Variants in SPECC1 observed in about 807,000 individuals in gnomAD.
The protein encoded by SPECC1 is sperm antigen with calponin homology and coiled-coil domains 1.
A neutral mutation model predicts 104.1 loss-of-function variants in SPECC1; 62 were observed. The ratio of observed to expected loss-of-function variants is 0.60; its 90% CI spans 0.49 to 0.74. SPECC1 has a LOEUF of 0.74. Among genes scored for constraint, SPECC1 ranks in the 30% least tolerant of loss-of-function variants. SPECC1 has a pLI of 0.00. For synonymous variants in SPECC1, 513 were observed against 501.6 expected (o/e 1.02, Z -0.30); for missense variants, 1,306 against 1,310.5 (o/e 1.00, Z 0.05).
rs550647571 is a variant in SPECC1, at chr17:20,201,747, G to T, written c.284-2586G>T. On this transcript the variant is annotated intron_variant, in intron 3 of 14. Transcript: ENST00000395527. The stretch of plus-strand genomic sequence containing the variant: ...GAATAATTAAATAAGTCTTTTCCTC[G>T]TTGAGTGTGTAGTATGATGCAGGTT... Among the ~76,000 whole-genome samples the T allele has an allele frequency of 2.0e-3, 300 of 152,152 alleles. 1 individual carries two copies. Among genetic ancestry groups the T allele is most frequent in the Non-Finnish European group, 3.7e-3 (253 of 68,002 alleles).
In SPECC1 at chr17:20,251,224, C is replaced by CAAAAAAAAAAAAAAAAA. The variant is rs58071050; in HGVS notation, c.2599-2280_2599-2264dup. On this transcript the variant is annotated intron_variant, in intron 9 of 14. Transcript: ENST00000395527. ...TGGGCGACAGAGTAAGACTCTATCT[C>CAAAAAAAAAAAAAAAAA]AAAAAAAAAAAAAAAAAGCATATGG... is the stretch of plus-strand genomic sequence containing the variant. Among the ~76,000 whole-genome samples, 40 of 51,002 alleles carry CAAAAAAAAAAAAAAAAA rather than the reference C, an allele frequency of 7.8e-4. 2 individuals carry two copies. The East Asian group carries it at 0.011, about 14-fold the overall frequency. The allele number at this position is 51,002 out of a possible 152,430, so 33.5% of individuals were successfully genotyped here. A position where few individuals can be genotyped will look rare whatever the true frequency, so the allele number is the denominator to read the frequency against.
At chr17:20,243,477 A>C (rs573707792) in intron 7 of SPECC1, among the ~76,000 whole-genome samples, 4 of 152,300 alleles carry the variant, frequency 2.6e-5, no homozygotes, top group East Asian at 3.9e-4. Context: ...GTACATACTA[A>C]TAAGCCAATA....
rs2142301151 is a variant in SPECC1 at position 20,318,665 on chromosome 17, T to C, written c.*4600T>C. On this transcript the variant is annotated 3_prime_UTR_variant, in exon 15 of 15. Coordinates refer to ENST00000395527, the MANE Select transcript of SPECC1 (RefSeq NM_001243439.2). ...ACCCTTCCAAAGCTCGAGTGCCATT[T>C]TGAGATGACCTACCAATGACATGCA... The C allele has an allele frequency of 4.4e-6, 1 of 227,338 alleles. No individual in the cohort carries two copies. The highest frequency in any genetic ancestry group is 6.3e-5 in the East Asian group (1 of 15,922). The allele number at this position is 227,338 out of a possible 1,614,324, so 14.1% of individuals were successfully genotyped here.
intron 12 of SPECC1, 24 bp from the exon 13 acceptor site, chr17:20,296,937 T>C: frequency 6.2e-7 from 1 of 1,607,740 alleles, no homozygotes; most frequent in Non-Finnish European, 8.5e-7. Flanking sequence ...AGTTCTTGTT[T>C]ATTACTACTT....
chr17:20,288,065 C>G (rs1243923633), intron 12 of SPECC1, among the ~76,000 whole-genome samples: 1 of 150,144 alleles, frequency 6.7e-6, no homozygotes, highest in East Asian at 2.0e-4. Context: ...TTTTCTGTTT[C>G]TGTACTAGTT....
chr17:20,123,263 C>T (rs2049126676), intron 3 of SPECC1, among the ~76,000 whole-genome samples: 1 of 152,178 alleles, frequency 6.6e-6, no homozygotes, highest in Non-Finnish European at 1.5e-5. Flanking sequence ...AAAGACATGT[C>T]ACTATTTTAA....
At chr17:20,117,482 A>G (rs1382151438) in intron 3 of SPECC1, among the ~76,000 whole-genome samples, 1 of 152,020 alleles carries the variant, frequency 6.6e-6, no homozygotes, top group Non-Finnish European at 1.5e-5. Context: ...AGTTTATACA[A>G]ATCAATAAGA....
At chr17:20,278,583 A>T (rs952500839) in intron 12 of SPECC1, among the ~76,000 whole-genome samples, 2 of 152,162 alleles carry the variant, frequency 1.3e-5, no homozygotes, top group African/African-American at 4.8e-5. Flanking sequence ...TCACACCTGT[A>T]ATGTCAACAC....
At chr17:20,027,080 G>C (rs2044628856) in intron 1 of SPECC1, among the ~76,000 whole-genome samples, 1 of 151,934 alleles carries the variant, frequency 6.6e-6, no homozygotes, top group Admixed American at 6.6e-5. Context: ...TTTTATACTT[G>C]CAAGGCTCCC....
In SPECC1 at chr17:20,318,824, A is replaced by T. The variant is rs1363580809; in HGVS notation, c.*4759A>T. 12 of 189,596 alleles carry T rather than the reference A, an allele frequency of 6.3e-5. No individual in the cohort carries two copies. The highest frequency in any genetic ancestry group is 1.7e-4 in the East Asian group (2 of 11,688). The allele number at this position is 189,596 out of a possible 1,614,324, so 11.7% of individuals were successfully genotyped here. On this transcript the variant is annotated 3_prime_UTR_variant, in exon 15 of 15. Transcript: ENST00000395527. ...CTGTAGCATCCTGAATAGCACACTA[A>T]TTTTTTTTTTTAGCACACTAACTTT...
intron 12 of SPECC1, among the ~76,000 whole-genome samples, chr17:20,294,155 T>C (rs902682696): frequency 6.6e-6 from 1 of 152,208 alleles, no homozygotes; most frequent in Non-Finnish European, 1.5e-5. Context: ...CTCATTTTTG[T>C]ATTTTTAGTA....
At chr17:20,084,410 G>A (rs1048238147) in intron 1 of SPECC1, among the ~76,000 whole-genome samples, 5 of 152,036 alleles carry the variant, frequency 3.3e-5, no homozygotes, top group African/African-American at 9.7e-5. Context: ...ACTCCAGCCT[G>A]GGCGACAAGG....
rs554639225 is a variant in SPECC1 at position 20,205,309 on chromosome 17, G to C, written c.1260G>C (p.Thr420=). The C allele has an allele frequency of 3.8e-5, 62 of 1,614,196 alleles. 1 individual carries two copies. In the East Asian group the frequency reaches 1.3e-3, roughly 34 times the overall value. Residue 420 remains threonine, a synonymous_variant, in exon 4 of 15, where the codon ACG becomes ACC. Coordinates refer to ENST00000395527, the MANE Select transcript of SPECC1 (RefSeq NM_001243439.2). ...AENEKLVDEK[T]ILETSFHQHR... Reference sequence around the variant, plus strand: ...ATGAGAAGCTGGTGGATGAAAAGACGATTTTAGAGACATCCTTTCATCAGC... The same window carrying C: ...ATGAGAAGCTGGTGGATGAAAAGACCATTTTAGAGACATCCTTTCATCAGC...
intron 3 of SPECC1, chr17:20,156,262 C>G: frequency 1.5e-6 from 2 of 1,323,444 alleles, no homozygotes; most frequent in Non-Finnish European, 1.9e-6. Flanking sequence ...GGGGGTCGCG[C>G]CGCAGCCGCA....
chr17:20,227,493 A>G lies in SPECC1; in HGVS notation c.1944A>G (p.Gln648=). The change falls in exon 5 of 15, where the codon CAA becomes CAG. Residue 648 remains glutamine, a synonymous_variant. Coordinates refer to ENST00000395527, the MANE Select transcript of SPECC1 (RefSeq NM_001243439.2). The part of the protein sequence containing the change: ...EQLSRTSLKL[Q]EKASESDAEI... ...TGAGCAGAACCAGCCTAAAGCTGCAAGAAAAAGCATCAGAGAGTGATGCAG... is the reference window on the plus strand; with the variant it reads ...TGAGCAGAACCAGCCTAAAGCTGCAGGAAAAAGCATCAGAGAGTGATGCAG... The G allele has an allele frequency of 6.2e-7, 1 of 1,613,806 alleles. No individual in the cohort carries two copies. The highest frequency in any genetic ancestry group is 8.5e-7 in the Non-Finnish European group (1 of 1,179,950).
chr17:20,317,239 A>AC lies in SPECC1; in HGVS notation c.*3176dup, dbSNP rs1349875467. The AC allele has an allele frequency of 4.7e-5, 7 of 148,232 alleles. No homozygotes were observed. The highest frequency in any genetic ancestry group is 2.0e-4 in the African/African-American group (7 of 34,518). The allele number at this position is 148,232 out of a possible 1,614,324, so 9.2% of individuals were successfully genotyped here. A position where few individuals can be genotyped will look rare whatever the true frequency, so the allele number is the denominator to read the frequency against. On this transcript the variant is annotated 3_prime_UTR_variant, in exon 15 of 15. Coordinates refer to ENST00000395527, the MANE Select transcript of SPECC1 (RefSeq NM_001243439.2). ...AGACCAGCCTGGGCAACATGGCAAG[A>AC]CCTCTGACTCTATAAAAAAATTTTT...
chr17:20,253,522 CA>C lies in SPECC1; in HGVS notation c.2617del (p.Ser873ValfsTer9). The part of the protein sequence containing the change: ...SPMQRHSTYS[S>X]VRPASRGVTQ... ...TTTTACAGAGGCATTCGACTTACAG[CA>C]GTGTGCGGCCAGCCAGCAGAGGGGT... On this transcript the variant is annotated frameshift_variant, in exon 10 of 15. Transcript: ENST00000395527. LOFTEE classifies it high-confidence loss of function. 6.2e-7 allele frequency: 1 copy of C among 1,614,038 alleles called. No homozygotes were observed. The highest frequency in any genetic ancestry group is 8.5e-7 in the Non-Finnish European group (1 of 1,180,036).
intron 1 of SPECC1, among the ~76,000 whole-genome samples, chr17:20,023,705 A>T (rs745939535): frequency 3.3e-5 from 5 of 152,210 alleles, no homozygotes; most frequent in Non-Finnish European, 5.9e-5. Context: ...AGCAGGAATG[A>T]CAAGAAAGAC....
In SPECC1 at chr17:20,257,625, A is replaced by G. The variant is rs749235164; in HGVS notation, c.2837+18A>G. On this transcript the variant is annotated intron_variant, in intron 11 of 14. Transcript: ENST00000395527. ...AAACTCAGGTATCGTGTTTCAAACA[A>G]TAAGAAATCAGAAAAACATCGGGCT... 3 of 1,609,516 alleles carry G rather than the reference A, an allele frequency of 1.9e-6. No homozygotes were observed. The highest frequency in any genetic ancestry group is 2.5e-6 in the Non-Finnish European group (3 of 1,179,032).
Sources: gnomAD v4.1 joint callset for allele counts (sites outside exome capture counted in the v4.1 genomes callset) on GRCh38, gnomAD v4.1.1 for gene constraint, MANE v1.5 for transcripts, NCBI Gene and HGNC (gene_info 2026-07-23, HGNC 2026-07-21) for gene names.